FUCA1: variants seen among roughly 807,000 people sequenced by gnomAD.
The protein encoded by FUCA1 is alpha-L-fucosidase 1.
FUCA1 carries 52 observed loss-of-function variants against 56.8 expected under a neutral mutation model. The ratio of observed to expected loss-of-function variants is 0.92; its 90% CI spans 0.73 to 1.15. FUCA1 has a LOEUF of 1.15. Ranked by LOEUF, FUCA1 falls within the 50% of genes most tolerant of loss-of-function variation. FUCA1 has a pLI of 0.00. For synonymous variants in FUCA1, 230 were observed against 226.6 expected, an observed-to-expected ratio of 1.02 and a Z score of -0.14; for missense variants, 568 against 592.6, an observed-to-expected ratio of 0.96 and a Z score of 0.43.
Position 23,863,737 on chromosome 1 carries a change from AGCTACTTGGGAGGCTAAAGT to A in FUCA1, c.525-486_525-467del, listed in dbSNP as rs1190202850. On this transcript the variant is annotated intron_variant, in intron 2 of 7. Coordinates refer to ENST00000374479, the MANE Select transcript of FUCA1 (RefSeq NM_000147.5). ...TGTGGTGGTGCGAGCCTGTAGTCCCAGCTACTTGGGAGGCTAAAGTGGGAGGATGGCTTGAGCCCAGGAGG... is the reference window on the plus strand; with the variant it reads ...TGTGGTGGTGCGAGCCTGTAGTCCCAGGGAGGATGGCTTGAGCCCAGGAGG... 4.6e-5 allele frequency among the ~76,000 whole-genome samples: 7 copies of A among 152,140 alleles called. No homozygotes were observed. In the East Asian group the frequency reaches 1.4e-3, roughly 29 times the overall value.
chr1:23,854,567 A>T lies in FUCA1; in HGVS notation c.769-7T>A. 6.2e-7 allele frequency: 1 copy of T among 1,610,386 alleles called. No individual in the cohort carries two copies. Among genetic ancestry groups the T allele is most frequent in the Non-Finnish European group, 8.5e-7 (1 of 1,176,650 alleles). On this transcript the variant is annotated splice_region_variant and splice_polypyrimidine_tract_variant and intron_variant, in intron 4 of 7. Transcript: ENST00000374479. ...CATTTACTACCACCTCATCCTAAGGAGGGAAAGAATATTTGGTCATGAGGA... is the reference window on the plus strand; with the variant it reads ...CATTTACTACCACCTCATCCTAAGGTGGGAAAGAATATTTGGTCATGAGGA...
intron 7 of FUCA1, 46 bp from the exon 8 acceptor site, chr1:23,845,901 G>C: frequency 6.2e-7 from 1 of 1,610,830 alleles, no homozygotes; most frequent in Non-Finnish European, 8.5e-7. Context: ...ATGCACTAAT[G>C]AGTATAGAAT....
In FUCA1 at chr1:23,854,495, G is replaced by A; in HGVS notation, c.834C>T (p.Asn278=). 6.2e-7 allele frequency: 1 copy of A among 1,613,972 alleles called. No individual in the cohort carries two copies. ...NCSCHHGGYY[N]CEDKFKPQSL... ...TCTGTGGCTTGAATTTATCTTCACA[G>A]TTATAGTATCCTCCATGGTGACAGG... The change falls in exon 5 of 8, where the codon AAC becomes AAT. Residue 278 remains asparagine, a synonymous_variant. Coordinates refer to ENST00000374479, the MANE Select transcript of FUCA1 (RefSeq NM_000147.5).
chr1:23,849,850 GT>G (rs1639221402), intron 5 of FUCA1, among the ~76,000 whole-genome samples: 1 of 151,872 alleles, frequency 6.6e-6, no homozygotes, highest in African/African-American at 2.4e-5. Context: ...CAAAGTGCTG[GT>G]ATTACAGGTG....
At chr1:23,863,376 A>G in intron 2 of FUCA1, 105 bp from the exon 3 acceptor site, 1 of 1,101,664 alleles carries the variant, frequency 9.1e-7, no homozygotes, top group East Asian at 2.6e-5. Flanking sequence ...GCACTCACTC[A>G]TAAGAGCATA....
rs765730711 is a variant in FUCA1, at chr1:23,848,828, C to A, written c.981G>T (p.Gln327His). Residue 327 changes from glutamine (Q) to histidine (H), a missense_variant, in exon 6 of 8, where the codon CAG becomes CAT. Gln to His is a conservative substitution (Grantham distance 24, BLOSUM62 0). Coordinates refer to ENST00000374479, the MANE Select transcript of FUCA1 (RefSeq NM_000147.5). ...GATAGTTGCCTCCCAAACTTACTGT[C>A]TGAACCAGTTCCTGGAGAGAACAGA... is the stretch of plus-strand genomic sequence containing the variant. ...EESEIISELV[Q>H]TVSLGGNYLL... 5.6e-6 allele frequency: 9 copies of A among 1,613,980 alleles called. No individual in the cohort carries two copies. In the South Asian group the frequency reaches 8.8e-5, roughly 16 times the overall value.
Position 23,848,649 on chromosome 1 carries a change from C to T in FUCA1, c.1160G>A (p.Trp387Ter), listed in dbSNP as rs80358197. ...ACACACAACAGAAGACAAGACTCACCATACAGATGTTGTGTTCTTTTCCCA... is the reference window on the plus strand; with the variant it reads ...ACACACAACAGAAGACAAGACTCACTATACAGATGTTGTGTTCTTTTCCCA... ...VQWEKNTTSV[W>*]YTSKGSAVYA... is the part of the protein sequence containing the mutation. Residue 387 changes from tryptophan to a stop codon, truncating the protein, a stop_gained and splice_region_variant, in exon 6 of 8, where the codon TGG becomes TAG. Transcript: ENST00000374479. LOFTEE classifies it high-confidence loss of function. The T allele has an allele frequency of 1.9e-6, 3 of 1,614,032 alleles. No individual in the cohort carries two copies. Among genetic ancestry groups the T allele is most frequent in the Non-Finnish European group, 2.5e-6 (3 of 1,179,918 alleles).
intron 4 of FUCA1, 88 bp downstream of exon 4, chr1:23,859,710 C>T: frequency 1.3e-6 from 1 of 783,856 alleles, no homozygotes. Flanking sequence ...TTTATTATTG[C>T]TGCTGCTGTG....
At chr1:23,859,988 G>T in intron 3 of FUCA1, 85 bp from the exon 4 acceptor site, 2 of 858,498 alleles carry the variant, frequency 2.3e-6, no homozygotes, top group Admixed American at 1.8e-5. Flanking sequence ...TTTTAGAGAT[G>T]GGGTTTCGCT....
At position 23,845,797 on chromosome 1, in the gene FUCA1, AGACCTTTATCTGGATCTGTG is replaced by A. The variant is rs746953615; in HGVS notation, c.1299_1318del (p.Thr434LeufsTer30). The A allele has an allele frequency of 6.2e-7, 1 of 1,613,696 alleles. No individual in the cohort carries two copies. Among genetic ancestry groups the A allele is most frequent in the Non-Finnish European group, 8.5e-7 (1 of 1,179,534 alleles). On this transcript the variant is annotated frameshift_variant, in exon 8 of 8. Transcript: ENST00000374479. LOFTEE classifies it low-confidence loss of function (END_TRUNC). ...TGGCAACTGGGGTAGAGAGATGAAG[AGACCTTTATCTGGATCTGTG>A]GACCACTTCAGATCTCCTTGAATTC...
chr1:23,857,967 C>T (rs1335144427), intron 4 of FUCA1, among the ~76,000 whole-genome samples: 1 of 151,758 alleles, frequency 6.6e-6, no homozygotes, highest in Admixed American at 6.6e-5. Context: ...CACGCCCGGC[C>T]TTAGAAAACC....
Position 23,853,372 on chromosome 1 carries a change from CCCCG to C in FUCA1, c.969+984_969+987del. ...GGGTCAGCCCCCGCCCGGCCAGCCGCCCCGTCCGGGAGGGAGGTGGGGGGGTCAG... is the reference window on the plus strand; with the variant it reads ...GGGTCAGCCCCCGCCCGGCCAGCCGCTCCGGGAGGGAGGTGGGGGGGTCAG... On this transcript the variant is annotated intron_variant, in intron 5 of 7. Coordinates refer to ENST00000374479, the MANE Select transcript of FUCA1 (RefSeq NM_000147.5). Among the ~76,000 whole-genome samples the C allele has an allele frequency of 2.7e-5, 4 of 148,622 alleles. 1 individual carries two copies. Among genetic ancestry groups the C allele is most frequent in the African/African-American group, 7.7e-5 (3 of 39,066 alleles).
chr1:23,848,979 CT>C, intron 5 of FUCA1, 140 bp from the exon 6 acceptor site: 1 of 704,088 alleles, frequency 1.4e-6, no homozygotes, highest in Admixed American at 2.7e-5. Flanking sequence ...TTTTTTTTTT[CT>C]TTTTGAGCTG....
At chr1:23,863,723 G>A (rs1024980911) in intron 2 of FUCA1, among the ~76,000 whole-genome samples, 2 of 152,012 alleles carry the variant, frequency 1.3e-5, no homozygotes, top group African/African-American at 4.8e-5. Context: ...GTGGTGGTGC[G>A]AGCCTGTAGT....
At chr1:23,863,032 G>A in intron 3 of FUCA1, 102 bp downstream of exon 3, 1 of 1,245,808 alleles carries the variant, frequency 8.0e-7, no homozygotes, top group Non-Finnish European at 1.2e-6. Context: ...ATGTCTTTTA[G>A]GTTTTTTTCA....
intron 5 of FUCA1, among the ~76,000 whole-genome samples, chr1:23,851,375 TAA>T (rs1491098921): frequency 0.17 from 21,457 of 128,266 alleles, 1,613 homozygotes; most frequent in East Asian, 0.22. Context: ...AATAAATAAA[TAA>T]ATATACACAT....
At chr1:23,854,095 A>T (rs969743598) in intron 5 of FUCA1, among the ~76,000 whole-genome samples, 14 of 151,458 alleles carry the variant, frequency 9.2e-5, no homozygotes, top group African/African-American at 2.2e-4. Flanking sequence ...AATAAATAAA[A>T]AACTGGACAC....
rs775815377 is a variant in FUCA1 at position 23,868,275 on chromosome 1, C to G, written c.12G>C (p.Pro4=). MRA[P]GMRSRPAGPA... is the part of the protein sequence containing the mutation. ...GACCCGCCGGCCGCGACCTCATCCC[C>G]GGAGCCCGCATCGCTACCCCTCAGC... Residue 4 remains proline (P), a synonymous_variant, in exon 1 of 8, where the codon CCG becomes CCC. Transcript: ENST00000374479. 5.2e-6 allele frequency: 8 copies of G among 1,552,022 alleles called. No individual in the cohort carries two copies. The highest frequency in any genetic ancestry group is 7.0e-6 in the Non-Finnish European group (8 of 1,150,942).
chr1:23,861,765 C>G (rs537285365), intron 3 of FUCA1, among the ~76,000 whole-genome samples: 1 of 152,288 alleles, frequency 6.6e-6, no homozygotes, highest in South Asian at 2.1e-4. Context: ...CAATTTGTTT[C>G]AGGTGACAAG....
Sources: gnomAD v4.1 joint callset for allele counts (sites outside exome capture counted in the v4.1 genomes callset) on GRCh38, gnomAD v4.1.1 for gene constraint, MANE v1.5 for transcripts, NCBI Gene and HGNC (gene_info 2026-07-23, HGNC 2026-07-21) for gene names.